The following RTN1 variants were observed in gnomAD, a reference collection of about 807,000 sequenced individuals.
The protein encoded by RTN1 is reticulon 1.
A neutral mutation model predicts 65.5 loss-of-function variants in RTN1; 25 were observed. The observed-to-expected ratio is 0.38, with a 90% CI of 0.28 to 0.53. RTN1 has a LOEUF of 0.53. RTN1 is among the 20% of genes least tolerant of loss of function. The probability of loss-of-function intolerance (pLI) is 0.79; values close to 1 mark genes in which losing one functional copy is unlikely to be tolerated. For missense variants in RTN1, 983 were observed against 1,025.4 expected (o/e 0.96, Z 0.57); for synonymous variants, 471 against 447.6 (o/e 1.05, Z -0.66).
rs549622459 is a variant in RTN1, at chr14:59,659,862, A to G, written c.1766-52370T>C. 2.0e-5 allele frequency among the ~76,000 whole-genome samples: 3 copies of G among 152,324 alleles called. No individual in the cohort carries two copies. The South Asian group carries it at 6.2e-4, about 32-fold the overall frequency. The stretch of plus-strand genomic sequence containing the variant: ...GGGCAAAATAACCAGCTAACATCAT[A>G]ATGACAGGATCAAATTCACATATAA... On this transcript the variant is annotated intron_variant, in intron 3 of 8. Transcript: ENST00000267484.
At chr14:59,834,486 T>C (rs1208294342) in intron 1 of RTN1, among the ~76,000 whole-genome samples, 1 of 152,100 alleles carries the variant, frequency 6.6e-6, no homozygotes, top group Non-Finnish European at 1.5e-5. Flanking sequence ...GTGTGCAGAA[T>C]ACAAGAAGCA....
intron 3 of RTN1, among the ~76,000 whole-genome samples, chr14:59,721,353 T>C (rs1007569825): frequency 2.0e-5 from 3 of 152,216 alleles, no homozygotes; most frequent in Admixed American, 2.0e-4. Context: ...CAGAAAGAGA[T>C]AGAAACAGCT....
rs567935666 is a variant in RTN1 at position 59,727,922 on chromosome 14, G to C, written c.1016-254C>G. Among the ~76,000 whole-genome samples, 2 of 152,284 alleles carry C rather than the reference G, an allele frequency of 1.3e-5. No individual in the cohort carries two copies. Among genetic ancestry groups the C allele is most frequent in the Non-Finnish European group, 2.9e-5 (2 of 68,018 alleles). ...TTACAGACCTCTCTATCTTCAGCTA[G>C]CTATTTTAAAAAATGACCCAGCAAT... On this transcript the variant is annotated intron_variant, in intron 2 of 8. Transcript: ENST00000267484. This position sits in a 1 kb window ranked among gnomAD's most constrained non-coding sequence, Gnocchi z 4.2.
intron 3 of RTN1, among the ~76,000 whole-genome samples, chr14:59,692,054 C>G (rs977078543): frequency 9.2e-5 from 14 of 152,036 alleles, no homozygotes; most frequent in African/African-American, 3.4e-4. Context: ...TCTCACCACT[C>G]CAATATAGTA....
chr14:59,768,145 T>C (rs1413191795), intron 1 of RTN1, among the ~76,000 whole-genome samples: 1 of 152,256 alleles, frequency 6.6e-6, no homozygotes, highest in Non-Finnish European at 1.5e-5. Context: ...CTAATTGATA[T>C]GATTGAAATT....
At chr14:59,670,049 A>C (rs895493509) in intron 3 of RTN1, among the ~76,000 whole-genome samples, 1 of 152,226 alleles carries the variant, frequency 6.6e-6, no homozygotes, top group Non-Finnish European at 1.5e-5. Flanking sequence ...AGAATAACTA[A>C]ATGAATGGGT....
At chr14:59,787,450 C>T (rs1198458814) in intron 1 of RTN1, among the ~76,000 whole-genome samples, 1 of 152,220 alleles carries the variant, frequency 6.6e-6, no homozygotes, top group Admixed American at 6.5e-5. Flanking sequence ...AAGTGCTTCA[C>T]ACAGTGTTCT....
At position 59,816,887 on chromosome 14, in the gene RTN1, C is replaced by T. The variant is rs1341432109; in HGVS notation, c.241+53503G>A. 1.3e-5 allele frequency among the ~76,000 whole-genome samples: 2 copies of T among 152,090 alleles called. No individual in the cohort carries two copies. The highest frequency in any genetic ancestry group is 1.9e-4 in the East Asian group (1 of 5,184). On this transcript the variant is annotated intron_variant, in intron 1 of 8. Transcript: ENST00000267484. This position sits in a 1 kb window ranked among gnomAD's most constrained non-coding sequence, Gnocchi z 4.3. ...GGCGGAGGTTGCAGTGAGTCGAGAT[C>T]GCGCCACTGTACTCCAGCCTGGGTG...
chr14:59,793,808 C>T (rs185344315), intron 1 of RTN1, among the ~76,000 whole-genome samples: 1 of 152,144 alleles, frequency 6.6e-6, no homozygotes, highest in East Asian at 1.9e-4. Flanking sequence ...AAGCCTCAGC[C>T]CAAATCCCCA....
rs1470212636 is a variant in RTN1 at position 59,745,924 on chromosome 14, G to C, written c.799C>G (p.Leu267Val). ...GGAGCCCTGCGCTGTTCTTCAGAGA[G>C]ATCATCTATGTATGGAGCAAATGTG... ...ESTFAPYIDDLSEEQRRAPQI... is the reference protein window; with the variant it reads ...ESTFAPYIDDVSEEQRRAPQI... Residue 267 changes from leucine to valine, a missense_variant, in exon 2 of 9, where the codon CTC becomes GTC. Leu to Val is a conservative substitution (Grantham distance 32). This residue lies in a region of RTN1 where 818 missense variants were observed against 801.8 expected (regional missense o/e 1.02). Coordinates refer to ENST00000267484, the MANE Select transcript of RTN1 (RefSeq NM_021136.3). 1.2e-6 allele frequency: 2 copies of C among 1,613,950 alleles called. No individual in the cohort carries two copies. Among genetic ancestry groups the C allele is most frequent in the Non-Finnish European group, 1.7e-6 (2 of 1,180,002 alleles).
intron 1 of RTN1, among the ~76,000 whole-genome samples, chr14:59,811,344 T>C (rs1321303780): frequency 6.6e-6 from 1 of 152,220 alleles, no homozygotes; most frequent in Non-Finnish European, 1.5e-5. Context: ...CTGACACTTC[T>C]AGTCTGATCA....
intron 1 of RTN1, among the ~76,000 whole-genome samples, chr14:59,859,900 T>G (rs1449043668): frequency 6.6e-6 from 1 of 152,186 alleles, no homozygotes; most frequent in African/African-American, 2.4e-5. Flanking sequence ...CAGAAGAAAC[T>G]TCTAAGCAGC....
At chr14:59,760,763 C>T (rs755916939) in intron 1 of RTN1, among the ~76,000 whole-genome samples, 4 of 152,160 alleles carry the variant, frequency 2.6e-5, no homozygotes, top group East Asian at 1.9e-4. Context: ...TTTTCTCTGG[C>T]GCTAAGCACA....
intron 1 of RTN1, among the ~76,000 whole-genome samples, chr14:59,773,606 CATCAA>C (rs575302136): frequency 1.3e-3 from 199 of 152,130 alleles, no homozygotes; most frequent in African/African-American, 4.6e-3. Context: ...GCAGTCTTTC[CATCAA>C]GTTAAGAATC....
chr14:59,696,649 G>A (rs938209055), intron 3 of RTN1, among the ~76,000 whole-genome samples: 1 of 152,060 alleles, frequency 6.6e-6, no homozygotes, highest in South Asian at 2.1e-4. Context: ...TTCTACCAAG[G>A]TGTGGAGTCC....
At chr14:59,759,930 C>G (rs1453423720) in intron 1 of RTN1, among the ~76,000 whole-genome samples, 1 of 152,130 alleles carries the variant, frequency 6.6e-6, no homozygotes, top group Non-Finnish European at 1.5e-5. Flanking sequence ...ACGCCATAAC[C>G]CCAATGGGAG....
At chr14:59,720,438 T>C (rs1186089757) in intron 3 of RTN1, among the ~76,000 whole-genome samples, 2 of 152,076 alleles carry the variant, frequency 1.3e-5, no homozygotes, top group South Asian at 2.1e-4. Flanking sequence ...TAGTCTAAGG[T>C]GGGCTGGTTG....
At chr14:59,767,642 G>C (rs563448993) in intron 1 of RTN1, among the ~76,000 whole-genome samples, 2 of 152,312 alleles carry the variant, frequency 1.3e-5, no homozygotes, top group Admixed American at 6.5e-5. Flanking sequence ...TCAGTGGAGA[G>C]GGGTGGGTTA....
chr14:59,626,014 T>C (rs1437239643), intron 3 of RTN1, among the ~76,000 whole-genome samples: 1 of 152,164 alleles, frequency 6.6e-6, no homozygotes, highest in Non-Finnish European at 1.5e-5. Flanking sequence ...ATTGTTAATA[T>C]TTACATTGTA....
Sources: gnomAD v4.1 joint callset for allele counts (sites outside exome capture counted in the v4.1 genomes callset) on GRCh38, gnomAD v4.1.1 for gene constraint, gnomAD v4.1.1 regional missense constraint, Gnocchi (gnomAD v3.1) non-coding constraint, MANE v1.5 for transcripts, NCBI Gene and HGNC (gene_info 2026-07-23, HGNC 2026-07-21) for gene names.